The following SCAPER variants were observed in gnomAD, a reference collection of about 807,000 sequenced individuals.
SCAPER encodes the protein S phase cyclin A-associated protein in the endoplasmic reticulum.
A neutral mutation model predicts 182.2 loss-of-function variants in SCAPER; 98 were observed. The observed-to-expected ratio is 0.54, with a 90% confidence interval of 0.46 to 0.64. The LOEUF is 0.64. Among genes scored for constraint, SCAPER ranks in the 30% least tolerant of loss-of-function variants. The pLI is 0.00. For synonymous variants in SCAPER, 605 were observed against 564.6 expected, an observed-to-expected ratio of 1.07 and a Z score of -1.01; for missense variants, 1,432 against 1,690.0, an observed-to-expected ratio of 0.85 and a Z score of 2.68.
Position 76,348,439 on chromosome 15 carries a change from T to G in SCAPER, c.*194A>C. On this transcript the variant is annotated 3_prime_UTR_variant, in exon 32 of 32. Transcript: ENST00000563290. ...GATACTCTGCATAAATGAAATAAAC[T>G]CAACTTGCAAAATTAGCAAGTAGAA... 1 of 412,320 alleles carries G rather than the reference T, an allele frequency of 2.4e-6. No homozygotes were observed. Among genetic ancestry groups the G allele is most frequent in the Non-Finnish European group, 4.4e-6 (1 of 226,558 alleles). The allele number at this position is 412,320 out of a possible 1,614,324, so 25.5% of individuals were successfully genotyped here.
rs35011897 is a variant in SCAPER, at chr15:76,427,933, C to CA, written c.3311+6144dup. Among the ~76,000 whole-genome samples, 872 of 131,926 alleles carry CA rather than the reference C, an allele frequency of 6.6e-3. 3 individuals carry two copies. Among genetic ancestry groups the CA allele is most frequent in the Middle Eastern group, 0.016 (4 of 250 alleles). The allele number at this position is 131,926 out of a possible 152,430, so 86.5% of individuals were successfully genotyped here. ...GGGTGACATGAGCAAAACTCCATCT[C>CA]AAAAAAAAAAAAAAAAATTAGCTGG... On this transcript the variant is annotated intron_variant, in intron 26 of 31. Transcript: ENST00000563290.
At chr15:76,540,511 T>C (rs1597287623) in intron 23 of SCAPER, among the ~76,000 whole-genome samples, 1 of 152,130 alleles carries the variant, frequency 6.6e-6, no homozygotes, top group Admixed American at 6.5e-5. Flanking sequence ...AAAAACTATA[T>C]ATACACGTCT....
chr15:76,360,371 C>T (rs891282975), intron 29 of SCAPER, among the ~76,000 whole-genome samples: 5 of 152,208 alleles, frequency 3.3e-5, no homozygotes, highest in Non-Finnish European at 7.3e-5. Flanking sequence ...AATGGGGAAA[C>T]TAATGCTCAG....
chr15:76,605,632 G>A (rs970419512), intron 22 of SCAPER, among the ~76,000 whole-genome samples: 1 of 152,132 alleles, frequency 6.6e-6, no homozygotes, highest in Non-Finnish European at 1.5e-5. Flanking sequence ...GGTAGAATTC[G>A]GCTGTGAATC....
At chr15:76,647,186 T>G (rs1251623277) in intron 21 of SCAPER, among the ~76,000 whole-genome samples, 1 of 152,172 alleles carries the variant, frequency 6.6e-6, no homozygotes, top group African/African-American at 2.4e-5. Flanking sequence ...TGTAAATATA[T>G]AAACAGTTGA....
At chr15:76,869,809 T>C (rs2072564544) in intron 2 of SCAPER, among the ~76,000 whole-genome samples, 1 of 152,194 alleles carries the variant, frequency 6.6e-6, no homozygotes, top group African/African-American at 2.4e-5. Flanking sequence ...TGCACTCCCA[T>C]GTTTATTACA....
chr15:76,506,027 T>A (rs979543132), intron 23 of SCAPER, among the ~76,000 whole-genome samples: 1 of 152,032 alleles, frequency 6.6e-6, no homozygotes, highest in African/African-American at 2.4e-5. Context: ...CTCACTTATT[T>A]GTGGGAGCTA....
chr15:76,827,383 G>C (rs943602477), intron 5 of SCAPER, among the ~76,000 whole-genome samples: 1 of 152,184 alleles, frequency 6.6e-6, no homozygotes, highest in Admixed American at 6.5e-5. Context: ...CTCTTCTGTA[G>C]TGAGTATACA....
chr15:76,444,964 CTTGG>C (rs2047893050), intron 25 of SCAPER, among the ~76,000 whole-genome samples: 1 of 152,116 alleles, frequency 6.6e-6, no homozygotes. Flanking sequence ...TAGCATTTCA[CTTGG>C]TTATTCTTTA....
At chr15:76,808,256 G>A (rs1249374010) in intron 5 of SCAPER, among the ~76,000 whole-genome samples, 1 of 152,220 alleles carries the variant, frequency 6.6e-6, no homozygotes, top group Non-Finnish European at 1.5e-5. Context: ...AGCCAGTGGA[G>A]CAGGTAAACA....
At chr15:76,893,168 G>A (rs2074251602) in intron 1 of SCAPER, among the ~76,000 whole-genome samples, 1 of 152,186 alleles carries the variant, frequency 6.6e-6, no homozygotes, top group African/African-American at 2.4e-5. Context: ...ACACACCGGA[G>A]CCTGTCACTG....
intron 23 of SCAPER, among the ~76,000 whole-genome samples, chr15:76,560,170 T>TC (rs1282100673): frequency 6.6e-6 from 1 of 152,034 alleles, no homozygotes; most frequent in African/African-American, 2.4e-5. Flanking sequence ...TGGGTGTGGG[T>TC]CCTTTGGGGA....
intron 5 of SCAPER, among the ~76,000 whole-genome samples, chr15:76,805,882 TA>T (rs1365479748): frequency 2.6e-5 from 4 of 152,168 alleles, no homozygotes; most frequent in Admixed American, 2.0e-4. Context: ...TTGTATATCT[TA>T]AAAGAAATGT....
intron 27 of SCAPER, among the ~76,000 whole-genome samples, chr15:76,399,365 T>C (rs1007047933): frequency 3.9e-5 from 6 of 152,172 alleles, no homozygotes. Flanking sequence ...CTTGAACTTC[T>C]GACCTCAGGT....
intron 25 of SCAPER, among the ~76,000 whole-genome samples, chr15:76,466,706 T>C (rs1220200452): frequency 1.3e-5 from 2 of 150,336 alleles, no homozygotes; most frequent in Non-Finnish European, 3.0e-5. Flanking sequence ...CTGGCTTTTG[T>C]AGTATGGAAA....
At chr15:76,389,149 A>T (rs2043485222) in intron 27 of SCAPER, among the ~76,000 whole-genome samples, 1 of 152,148 alleles carries the variant, frequency 6.6e-6, no homozygotes, top group South Asian at 2.1e-4. Context: ...AAGAAAAGTC[A>T]AGGTGGAACG....
intron 17 of SCAPER, among the ~76,000 whole-genome samples, chr15:76,714,230 A>G (rs1317839083): frequency 6.6e-6 from 1 of 152,158 alleles, no homozygotes; most frequent in Non-Finnish European, 1.5e-5. Context: ...GTGGTGATGG[A>G]TATATTATCT....
At chr15:76,685,798 T>C (rs280013) in intron 20 of SCAPER, among the ~76,000 whole-genome samples, 20,439 of 151,990 alleles carry the variant, frequency 0.13, 1,416 homozygotes, top group African/African-American at 0.17. Flanking sequence ...GATAACATGA[T>C]AATGGAGCAG....
At chr15:76,781,154 G>C (rs142547558) in intron 8 of SCAPER, among the ~76,000 whole-genome samples, 3 of 152,096 alleles carry the variant, frequency 2.0e-5, no homozygotes, top group African/African-American at 4.8e-5. Flanking sequence ...AAGGTTCCAC[G>C]AATGCCTAAC....
Sources: gnomAD v4.1 joint callset for allele counts (sites outside exome capture counted in the v4.1 genomes callset) on GRCh38, gnomAD v4.1.1 for gene constraint, MANE v1.5 for transcripts, NCBI Gene and HGNC (gene_info 2026-07-23, HGNC 2026-07-21) for gene names.